Variants in TPH2 observed in about 807,000 individuals in gnomAD.
TPH2 encodes tryptophan hydroxylase 2, also known as tryptophan 5-hydroxylase 2.
Under a neutral mutation model 59.1 loss-of-function variants are expected in TPH2, and 27 were observed. That is an observed-to-expected ratio of 0.46 (90% CI 0.34 to 0.63). The LOEUF (loss-of-function observed/expected upper bound fraction) is 0.63, where lower values mean the gene tolerates loss of function less well. Among genes scored for constraint, TPH2 ranks in the 30% least tolerant of loss-of-function variants. The probability of loss-of-function intolerance (pLI) is 0.01; values close to 1 mark genes in which losing one functional copy is unlikely to be tolerated. For missense variants in TPH2, 523 were observed against 588.3 expected (o/e 0.89, Z 1.15); for synonymous variants, 220 against 210.5 (o/e 1.05, Z -0.39).
intron 8 of TPH2, among the ~76,000 whole-genome samples, chr12:72,015,315 G>GTTTTTTTTTTTTTTT (rs869231666): frequency 9.1e-5 from 9 of 98,974 alleles, no homozygotes; most frequent in African/African-American, 1.5e-4. Context: ...TTTTTTGGTT[G>GTTTTTTTTTTTTTTT]TTTTTTTTTT....
rs771325391 is a variant in TPH2 at position 71,994,532 on chromosome 12, A to T, written c.1035A>T (p.Gly345=). Residue 345 remains glycine (G), a synonymous_variant, in exon 8 of 11, where the codon GGA becomes GGT. Transcript: ENST00000333850. ...AAGAAATAGGTCTGGCGTCTCTGGG[A>T]GCATCAGATGAAGATGTTCAGAAAC... ...FSQEIGLASL[G]ASDEDVQKLA... is the part of the protein sequence containing the mutation. The T allele has an allele frequency of 1.9e-6, 3 of 1,613,964 alleles. No individual in the cohort carries two copies. The highest frequency in any genetic ancestry group is 2.5e-6 in the Non-Finnish European group (3 of 1,179,868).
chr12:72,016,786 AATG>A (rs1873265922), intron 8 of TPH2, among the ~76,000 whole-genome samples: 2 of 152,316 alleles, frequency 1.3e-5, no homozygotes, highest in South Asian at 4.1e-4. Flanking sequence ...TTATTTCTTA[AATG>A]ATGTGTGTAA....
chr12:71,979,087 C>T lies in TPH2; in HGVS notation c.941C>T (p.Pro314Leu), dbSNP rs750241429. The T allele has an allele frequency of 1.1e-5, 17 of 1,614,004 alleles. No homozygotes were observed. The highest frequency in any genetic ancestry group is 2.2e-5 in the East Asian group (1 of 44,894). Residue 314 changes from proline to leucine, a missense_variant and splice_region_variant, in exon 7 of 11, where the codon CCA becomes CTA. Transcript: ENST00000333850. ...HGSDPLYTPEPDTCHELLGHV... is the reference protein window; with the variant it reads ...HGSDPLYTPELDTCHELLGHV... Reference sequence around the variant, plus strand: ...TCAGATCCCCTCTACACCCCAGAACCGTGAGTACCTACATTAAAGCCCAGG... The same window carrying T: ...TCAGATCCCCTCTACACCCCAGAACTGTGAGTACCTACATTAAAGCCCAGG...
intron 5 of TPH2, among the ~76,000 whole-genome samples, chr12:71,971,047 G>A (rs1871959112): frequency 1.3e-5 from 2 of 152,212 alleles, no homozygotes; most frequent in South Asian, 2.1e-4. Flanking sequence ...GAGGGTTGGG[G>A]AGGAGGAAGG....
At chr12:71,944,029 T>A (rs1871138998) in intron 2 of TPH2, among the ~76,000 whole-genome samples, 1 of 151,968 alleles carries the variant, frequency 6.6e-6, no homozygotes, top group South Asian at 2.1e-4. Context: ...TGATGTTCAT[T>A]TTACAGGGCC....
intron 5 of TPH2, among the ~76,000 whole-genome samples, chr12:71,968,317 G>C (rs1225019891): frequency 6.6e-6 from 1 of 152,220 alleles, no homozygotes; most frequent in East Asian, 1.9e-4. Flanking sequence ...GACCACTGTG[G>C]TGTCTTCTGC....
intron 8 of TPH2, among the ~76,000 whole-genome samples, chr12:71,999,037 G>A (rs557444158): frequency 3.6e-4 from 55 of 152,286 alleles, no homozygotes; most frequent in African/African-American, 1.3e-3. Flanking sequence ...TTTCTGTGAT[G>A]TGCTATCGAC....
intron 2 of TPH2, 22 bp downstream of exon 2, chr12:71,941,755 A>G (rs1185535326): frequency 6.2e-7 from 1 of 1,611,802 alleles, no homozygotes; most frequent in Non-Finnish European, 8.5e-7. Context: ...ATATCATTAC[A>G]TAATTTTAAA....
chr12:71,950,785 C>T (rs987924378), intron 5 of TPH2, among the ~76,000 whole-genome samples: 4 of 152,066 alleles, frequency 2.6e-5, no homozygotes, highest in Admixed American at 6.6e-5. Context: ...TAGAACATTA[C>T]GTGTGTTATA....
intron 5 of TPH2, among the ~76,000 whole-genome samples, chr12:71,961,376 G>A (rs1158415812): frequency 6.6e-6 from 1 of 152,192 alleles, no homozygotes; most frequent in Non-Finnish European, 1.5e-5. Context: ...GTGAATAAAT[G>A]AATGCTGTTA....
chr12:71,994,569 A>G lies in TPH2; in HGVS notation c.1068+4A>G. 1.9e-6 allele frequency: 3 copies of G among 1,613,718 alleles called. No homozygotes were observed. The highest frequency in any genetic ancestry group is 2.5e-6 in the Non-Finnish European group (3 of 1,179,678). On this transcript the variant is annotated splice_donor_region_variant and intron_variant, in intron 8 of 10. Coordinates refer to ENST00000333850, the MANE Select transcript of TPH2 (RefSeq NM_173353.4). Reference sequence around the variant, plus strand: ...AGATGTTCAGAAACTAGCCACGGTGAGTTCATTTTCAACTTAAAACCAGTG... The same window carrying G: ...AGATGTTCAGAAACTAGCCACGGTGGGTTCATTTTCAACTTAAAACCAGTG...
At chr12:72,004,982 C>T (rs1006856275) in intron 8 of TPH2, among the ~76,000 whole-genome samples, 2 of 152,146 alleles carry the variant, frequency 1.3e-5, no homozygotes, top group East Asian at 3.8e-4. Flanking sequence ...ATTGAACACA[C>T]AGTGATTAGA....
At chr12:71,977,738 C>A (rs1872160711) in intron 6 of TPH2, among the ~76,000 whole-genome samples, 1 of 152,084 alleles carries the variant, frequency 6.6e-6, no homozygotes, top group Non-Finnish European at 1.5e-5. Flanking sequence ...TTTCAAGAAC[C>A]TATCGACGAT....
chr12:72,023,996 G>A (rs11830147), intron 9 of TPH2, among the ~76,000 whole-genome samples: 1,715 of 152,130 alleles, frequency 0.011, 37 homozygotes, highest in African/African-American at 0.039. Flanking sequence ...GGAACTTGCC[G>A]AAGATCACAC....
At chr12:71,972,425 G>A in intron 5 of TPH2, 94 bp from the exon 6 acceptor site, 1 of 1,229,374 alleles carries the variant, frequency 8.1e-7, no homozygotes. Flanking sequence ...GCTCCACTTT[G>A]CCAGGGTCTG....
chr12:71,972,232 ATTAC>A (rs1295562891), intron 5 of TPH2, among the ~76,000 whole-genome samples: 2 of 152,200 alleles, frequency 1.3e-5, no homozygotes, highest in Non-Finnish European at 2.9e-5. Flanking sequence ...ACCCGTAACT[ATTAC>A]TTGTTACTGA....
chr12:71,987,748 G>A (rs983771732), intron 7 of TPH2, among the ~76,000 whole-genome samples: 1 of 152,114 alleles, frequency 6.6e-6, no homozygotes, highest in South Asian at 2.1e-4. Context: ...GCTACTCGGC[G>A]GGCTGAGGCA....
At chr12:71,986,478 A>G (rs923453761) in intron 7 of TPH2, among the ~76,000 whole-genome samples, 5 of 152,220 alleles carry the variant, frequency 3.3e-5, no homozygotes, top group Admixed American at 6.5e-5. Context: ...CTAACAATAT[A>G]CATTCCATTT....
intron 9 of TPH2, among the ~76,000 whole-genome samples, chr12:72,025,662 T>C (rs1873548284): frequency 1.3e-5 from 2 of 152,230 alleles, no homozygotes; most frequent in South Asian, 4.1e-4. Flanking sequence ...TGTTCTGTGG[T>C]GTACTTACAG....
Sources: gnomAD v4.1 joint callset for allele counts (sites outside exome capture counted in the v4.1 genomes callset) on GRCh38, gnomAD v4.1.1 for gene constraint, MANE v1.5 for transcripts, NCBI Gene and HGNC (gene_info 2026-07-23, HGNC 2026-07-21) for gene names.